The following MTX2 variants were observed in gnomAD, a reference collection of about 807,000 sequenced individuals.
MTX2 encodes the protein metaxin-2.
In MTX2, 35 loss-of-function variants were observed where a neutral mutation model predicts 42.3. The observed-to-expected ratio is 0.83, with a 90% CI of 0.63 to 1.10. The LOEUF is 1.10. MTX2 is among the 50% of genes least tolerant of loss of function. MTX2 has a pLI of 0.00. For missense variants in MTX2, 307 were observed against 304.1 expected (o/e 1.01, Z -0.07); for synonymous variants, 119 against 100.9 (o/e 1.18, Z -1.08).
At chr2:176,293,497 T>C (rs959238909) in intron 1 of MTX2, among the ~76,000 whole-genome samples, 2 of 152,164 alleles carry the variant, frequency 1.3e-5, no homozygotes, top group African/African-American at 2.4e-5. Flanking sequence ...GGTGGATCCC[T>C]CATGAATGGC....
Position 176,297,904 on chromosome 2 carries a change from G to A in MTX2, c.135+9G>A, listed in dbSNP as rs1575043278. ...CTTCTCTTGCAGTGCAGGTAAATAT[G>A]TAAATAATGTAATATCTTTTTCACC... On this transcript the variant is annotated intron_variant, in intron 3 of 9. Coordinates refer to ENST00000249442, the MANE Select transcript of MTX2 (RefSeq NM_006554.5). The A allele has an allele frequency of 3.9e-6, 6 of 1,542,732 alleles. No individual in the cohort carries two copies. The highest frequency in any genetic ancestry group is 5.3e-6 in the Non-Finnish European group (6 of 1,139,698).
At chr2:176,274,318 C>T (rs2105392306) in intron 1 of MTX2, among the ~76,000 whole-genome samples, 1 of 152,184 alleles carries the variant, frequency 6.6e-6, no homozygotes, top group East Asian at 1.9e-4. Context: ...AAAAAATCGA[C>T]ATATAATATG....
chr2:176,294,017 T>A (rs1276961074), intron 1 of MTX2, among the ~76,000 whole-genome samples: 1 of 152,168 alleles, frequency 6.6e-6, no homozygotes, highest in African/African-American at 2.4e-5. Context: ...ACACTGGATG[T>A]TTTGGTAGAG....
intron 1 of MTX2, among the ~76,000 whole-genome samples, chr2:176,285,856 G>A (rs1489112929): frequency 3.3e-5 from 5 of 152,062 alleles, no homozygotes; most frequent in Admixed American, 3.3e-4. Context: ...TTGTATATAA[G>A]TCTTTATTTG....
intron 1 of MTX2, among the ~76,000 whole-genome samples, chr2:176,283,863 G>A: frequency 6.6e-6 from 1 of 152,016 alleles, no homozygotes; most frequent in East Asian, 1.9e-4. Context: ...TTGGCCAGAT[G>A]GATTAGACTT....
chr2:176,331,045 C>G (rs748292327), intron 9 of MTX2, among the ~76,000 whole-genome samples: 1 of 150,914 alleles, frequency 6.6e-6, no homozygotes, highest in African/African-American at 2.4e-5. Context: ...AGAATGATAG[C>G]TGGAGGATTA....
At chr2:176,325,671 T>C (rs1165797236) in intron 4 of MTX2, among the ~76,000 whole-genome samples, 1 of 151,824 alleles carries the variant, frequency 6.6e-6, no homozygotes, top group Non-Finnish European at 1.5e-5. Context: ...TCATTTGATC[T>C]CAGGGGACCT....
chr2:176,289,959 A>T (rs980954565), intron 1 of MTX2, among the ~76,000 whole-genome samples: 10 of 152,296 alleles, frequency 6.6e-5, no homozygotes, highest in African/African-American at 2.2e-4. Flanking sequence ...TTCACATTCT[A>T]GGAATTTACC....
intron 4 of MTX2, among the ~76,000 whole-genome samples, chr2:176,323,783 T>A (rs1248016572): frequency 6.6e-6 from 1 of 151,734 alleles, no homozygotes; most frequent in Non-Finnish European, 1.5e-5. Context: ...GACTTTCCTG[T>A]TGAGAAAACA....
In MTX2 at chr2:176,302,075, T is replaced by C. The variant is rs1180614032; in HGVS notation, c.135+4180T>C. Among the ~76,000 whole-genome samples the C allele has an allele frequency of 2.0e-5, 3 of 152,078 alleles. No homozygotes were observed. The East Asian group carries it at 5.8e-4, about 29-fold the overall frequency. On this transcript the variant is annotated intron_variant, in intron 3 of 9. Coordinates refer to ENST00000249442, the MANE Select transcript of MTX2 (RefSeq NM_006554.5). ...GCACAACAGAGACTTTCTAGTAAGTTTTAGAAAGAATTTCGCTTCATGTAT... is the reference window on the plus strand; with the variant it reads ...GCACAACAGAGACTTTCTAGTAAGTCTTAGAAAGAATTTCGCTTCATGTAT...
At chr2:176,333,815 T>G (rs147449093) in intron 9 of MTX2, among the ~76,000 whole-genome samples, 142 of 151,802 alleles carry the variant, frequency 9.4e-4, no homozygotes, top group Admixed American at 5.7e-3. Flanking sequence ...CCTACAGTAT[T>G]CTGTTTGGCA....
intron 3 of MTX2, among the ~76,000 whole-genome samples, chr2:176,320,335 A>G (rs1217036946): frequency 1.3e-5 from 2 of 152,172 alleles, no homozygotes; most frequent in Non-Finnish European, 1.5e-5. Flanking sequence ...AATATTAATT[A>G]GCATAGTTAC....
intron 3 of MTX2, among the ~76,000 whole-genome samples, chr2:176,320,512 A>G (rs1024245311): frequency 6.6e-6 from 1 of 152,052 alleles, no homozygotes; most frequent in Non-Finnish European, 1.5e-5. Context: ...TTTCATTCTC[A>G]GCAAAAGATT....
chr2:176,325,193 A>G (rs1250950240), intron 4 of MTX2, among the ~76,000 whole-genome samples: 1 of 151,778 alleles, frequency 6.6e-6, no homozygotes, highest in Non-Finnish European at 1.5e-5. Flanking sequence ...TTGTTTGGCA[A>G]CATATTCTTG....
chr2:176,330,029 A>G (rs1684821671), intron 8 of MTX2, among the ~76,000 whole-genome samples: 1 of 151,120 alleles, frequency 6.6e-6, no homozygotes. Context: ...GCTACCCTTA[A>G]TACTAGCCAG....
At chr2:176,272,639 A>G (rs1280844294) in intron 1 of MTX2, among the ~76,000 whole-genome samples, 1 of 152,174 alleles carries the variant, frequency 6.6e-6, no homozygotes, top group African/African-American at 2.4e-5. Flanking sequence ...CTTGAAAGCT[A>G]TGGTTATATT....
At chr2:176,281,440 C>G (rs186187698) in intron 1 of MTX2, among the ~76,000 whole-genome samples, 1 of 152,152 alleles carries the variant, frequency 6.6e-6, no homozygotes, top group Non-Finnish European at 1.5e-5. Flanking sequence ...GCTTGGCTTC[C>G]TCACAGCTTG....
chr2:176,327,937 T>C (rs1684749609), intron 5 of MTX2, among the ~76,000 whole-genome samples: 2 of 151,302 alleles, frequency 1.3e-5, no homozygotes, highest in East Asian at 3.9e-4. Context: ...TTTTTCATCT[T>C]TGACCACTTT....
intron 1 of MTX2, among the ~76,000 whole-genome samples, chr2:176,271,318 T>G (rs1209992949): frequency 6.6e-6 from 1 of 152,212 alleles, no homozygotes; most frequent in African/African-American, 2.4e-5. Context: ...AAACATAGAT[T>G]ATTTTAATAA....
Sources: gnomAD v4.1 joint callset for allele counts (sites outside exome capture counted in the v4.1 genomes callset) on GRCh38, gnomAD v4.1.1 for gene constraint, MANE v1.5 for transcripts, NCBI Gene and HGNC (gene_info 2026-07-23, HGNC 2026-07-21) for gene names.